The following IL34 variants were observed in gnomAD, a reference collection of about 807,000 sequenced individuals.
The protein encoded by IL34 is interleukin-34.
Under a neutral mutation model 25.3 loss-of-function variants are expected in IL34, and 17 were observed. The ratio of observed to expected loss-of-function variants is 0.67; its 90% confidence interval spans 0.46 to 1.01. The LOEUF is 1.01. IL34 is among the 50% of genes least tolerant of loss of function. IL34 has a pLI of 0.00. For synonymous variants in IL34, 174 were observed against 140.9 expected (o/e 1.23, Z -1.66); for missense variants, 368 against 312.9 (o/e 1.18, Z -1.33).
chr16:70,612,511 T>G (rs888711119), intron 1 of IL34, among the ~76,000 whole-genome samples: 1 of 152,246 alleles, frequency 6.6e-6, no homozygotes, highest in Non-Finnish European at 1.5e-5. Context: ...TTTAGTTTCC[T>G]GAATTCTGCT....
chr16:70,638,669 C>G (rs1165064745), intron 1 of IL34, among the ~76,000 whole-genome samples: 1 of 152,110 alleles, frequency 6.6e-6, no homozygotes, highest in African/African-American at 2.4e-5. Flanking sequence ...TCAGCCACGG[C>G]TCACTGCAGC....
At chr16:70,616,319 T>C (rs1178947551) in intron 1 of IL34, among the ~76,000 whole-genome samples, 3 of 152,202 alleles carry the variant, frequency 2.0e-5, no homozygotes, top group Admixed American at 6.5e-5. Flanking sequence ...GGATGAAAAA[T>C]TAGTTTGCCC....
At chr16:70,648,506 C>G (rs773354164) in intron 1 of IL34, among the ~76,000 whole-genome samples, 2 of 136,794 alleles carry the variant, frequency 1.5e-5, no homozygotes, top group Non-Finnish European at 3.0e-5. Flanking sequence ...TAGCAAGGAT[C>G]GCATCACTGC....
intron 1 of IL34, among the ~76,000 whole-genome samples, chr16:70,584,389 C>T (rs1567433843): frequency 6.6e-6 from 1 of 152,226 alleles, no homozygotes; most frequent in Non-Finnish European, 1.5e-5. Flanking sequence ...CCTTTCCATA[C>T]TGGGGGATGT....
intron 1 of IL34, among the ~76,000 whole-genome samples, chr16:70,592,178 C>A (rs1206567127): frequency 1.3e-5 from 2 of 150,454 alleles, no homozygotes; most frequent in Non-Finnish European, 3.0e-5. Context: ...TAAAGCCATA[C>A]AATGCATAAA....
intron 1 of IL34, among the ~76,000 whole-genome samples, chr16:70,617,760 T>C (rs1249668840): frequency 6.6e-6 from 1 of 151,706 alleles, no homozygotes; most frequent in Admixed American, 6.6e-5. Context: ...CACTGAATAC[T>C]AAGAGCCTGA....
At chr16:70,636,870 C>T (rs1046780127) in intron 1 of IL34, among the ~76,000 whole-genome samples, 4 of 152,076 alleles carry the variant, frequency 2.6e-5, no homozygotes, top group African/African-American at 9.7e-5. Flanking sequence ...CCTATTGCCC[C>T]TTCCCTATTT....
chr16:70,608,957 G>T (rs184059886), intron 1 of IL34, among the ~76,000 whole-genome samples: 4 of 152,242 alleles, frequency 2.6e-5, no homozygotes, highest in Non-Finnish European at 5.9e-5. Context: ...GTAAAATGGG[G>T]GTAATCATGC....
At chr16:70,620,404 C>G (rs113601660) in intron 1 of IL34, among the ~76,000 whole-genome samples, 2 of 151,866 alleles carry the variant, frequency 1.3e-5, no homozygotes, top group East Asian at 1.9e-4. Context: ...GGGCTAGTCA[C>G]GCAACGAAAC....
chr16:70,595,792 A>T (rs576245075), intron 1 of IL34, among the ~76,000 whole-genome samples: 2 of 151,876 alleles, frequency 1.3e-5, no homozygotes, highest in Admixed American at 6.6e-5. Context: ...CAGATGGATT[A>T]CTTGAGGTCA....
intron 1 of IL34, among the ~76,000 whole-genome samples, chr16:70,586,822 G>C (rs535446942): frequency 3.9e-5 from 6 of 152,324 alleles, no homozygotes; most frequent in African/African-American, 1.4e-4. Flanking sequence ...CTCCCAGCTT[G>C]CCCACGGTCA....
intron 1 of IL34, among the ~76,000 whole-genome samples, chr16:70,634,175 C>T (rs1170663872): frequency 6.6e-6 from 1 of 151,956 alleles, no homozygotes; most frequent in Non-Finnish European, 1.5e-5. Context: ...ATCAGGACAC[C>T]AGTCATTGTA....
In IL34 at chr16:70,638,587, T is replaced by C. The variant is rs112098563; in HGVS notation, c.-400-7961T>C. Among the ~76,000 whole-genome samples, 1,448 of 152,216 alleles carry C rather than the reference T, an allele frequency of 9.5e-3. 12 individuals are homozygous for C. The highest frequency in any genetic ancestry group is 0.019 in the South Asian group (90 of 4,828). On this transcript the variant is annotated intron_variant, in intron 1 of 6. Coordinates refer to the IL34 transcript ENST00000429149. ...CCCAATATCTGCATATGCTTTCCCA[T>C]GATATTTTATACTTATTTATTATTT...
chr16:70,596,583 A>G (rs2050826504), intron 1 of IL34, among the ~76,000 whole-genome samples: 2 of 152,156 alleles, frequency 1.3e-5, no homozygotes, highest in South Asian at 4.1e-4. Context: ...CCACTGCCTC[A>G]GAAACTGGAG....
chr16:70,610,636 G>A (rs2051076762), intron 1 of IL34, among the ~76,000 whole-genome samples: 1 of 152,248 alleles, frequency 6.6e-6, no homozygotes. Flanking sequence ...AAGTGCCGCA[G>A]AGGGAGTGAC....
intron 1 of IL34, among the ~76,000 whole-genome samples, chr16:70,611,415 AG>A (rs2051089584): frequency 6.6e-6 from 1 of 152,056 alleles, no homozygotes; most frequent in Non-Finnish European, 1.5e-5. Context: ...CTACACCTGC[AG>A]GGGGGCCACT....
chr16:70,629,267 C>A (rs1193148958), intron 1 of IL34, among the ~76,000 whole-genome samples: 1 of 152,146 alleles, frequency 6.6e-6, no homozygotes, highest in Non-Finnish European at 1.5e-5. Context: ...TTGCTTCTTT[C>A]TTTAGTGGGA....
chr16:70,622,877 C>T (rs576268687), intron 1 of IL34, among the ~76,000 whole-genome samples: 3 of 152,094 alleles, frequency 2.0e-5, no homozygotes, highest in Non-Finnish European at 2.9e-5. Flanking sequence ...CAGCGGCACC[C>T]GCTGTATGCA....
chr16:70,584,395 G>T (rs1319100971), intron 1 of IL34, among the ~76,000 whole-genome samples: 1 of 152,224 alleles, frequency 6.6e-6, no homozygotes, highest in Non-Finnish European at 1.5e-5. Flanking sequence ...CATACTGGGG[G>T]ATGTGGATGG....
Sources: gnomAD v4.1 joint callset for allele counts (sites outside exome capture counted in the v4.1 genomes callset) on GRCh38, gnomAD v4.1.1 for gene constraint, MANE v1.5 for transcripts, NCBI Gene and HGNC (gene_info 2026-07-23, HGNC 2026-07-21) for gene names.